The following ACSS3 variants were observed in gnomAD, a reference collection of about 807,000 sequenced individuals.
ACSS3 encodes the protein acyl-CoA synthetase short chain family member 3, also known as acyl-CoA synthetase short-chain family member 3, mitochondrial.
A neutral mutation model predicts 84.2 loss-of-function variants in ACSS3; 64 were observed. The observed-to-expected ratio is 0.76, with a 90% confidence interval of 0.62 to 0.94. The LOEUF (loss-of-function observed/expected upper bound fraction) is 0.94. Ranked by LOEUF, ACSS3 falls within the 40% of genes least tolerant of loss-of-function variation. ACSS3 has a pLI of 0.00. For missense variants in ACSS3, 815 were observed against 867.6 expected (o/e 0.94, Z 0.76); for synonymous variants, 317 against 310.1 (o/e 1.02, Z -0.23).
In ACSS3 at chr12:81,255,117, G is replaced by A; in HGVS notation, c.*195G>A. On this transcript the variant is annotated 3_prime_UTR_variant, in exon 16 of 16. Coordinates refer to ENST00000548058, the MANE Select transcript of ACSS3 (RefSeq NM_024560.4). ...CCTTTTTTTTGGTTTGACCCTGTTAGCATTGTTATTAGTTATCTATAACAT... is the reference window on the plus strand; with the variant it reads ...CCTTTTTTTTGGTTTGACCCTGTTAACATTGTTATTAGTTATCTATAACAT... 1 of 496,088 alleles carries A rather than the reference G, an allele frequency of 2.0e-6. No individual in the cohort carries two copies. Among genetic ancestry groups the A allele is most frequent in the South Asian group, 3.1e-5 (1 of 32,296 alleles). The allele number at this position is 496,088 out of a possible 1,614,324, so 30.7% of individuals were successfully genotyped here. A position where few individuals can be genotyped will look rare whatever the true frequency, so the allele number is the denominator to read the frequency against.
chr12:81,253,872 T>A (rs767359262), intron 15 of ACSS3, among the ~76,000 whole-genome samples: 2 of 152,176 alleles, frequency 1.3e-5, no homozygotes, highest in Non-Finnish European at 2.9e-5. Context: ...AAACTCAGAT[T>A]AGTTAAGAAC....
intron 2 of ACSS3, among the ~76,000 whole-genome samples, chr12:81,130,657 T>C (rs1488171237): frequency 6.6e-6 from 1 of 152,194 alleles, no homozygotes; most frequent in Non-Finnish European, 1.5e-5. Flanking sequence ...CTATTTTGGC[T>C]TTTGTTGTCA....
At chr12:81,237,812 C>A (rs919889633) in intron 13 of ACSS3, among the ~76,000 whole-genome samples, 1 of 151,620 alleles carries the variant, frequency 6.6e-6, no homozygotes, top group African/African-American at 2.4e-5. Flanking sequence ...GTCTGTATAC[C>A]TTTTATATTC....
chr12:81,242,024 G>A (rs2033823355), intron 13 of ACSS3, among the ~76,000 whole-genome samples: 1 of 152,106 alleles, frequency 6.6e-6, no homozygotes, highest in South Asian at 2.1e-4. Context: ...TAAGGTGTAA[G>A]GAAGGGATCC....
intron 13 of ACSS3, among the ~76,000 whole-genome samples, chr12:81,247,331 T>C (rs975090663): frequency 2.0e-5 from 3 of 152,234 alleles, no homozygotes; most frequent in African/African-American, 7.2e-5. Context: ...ACCTTAGTCT[T>C]TTTTTGTTTT....
intron 1 of ACSS3, among the ~76,000 whole-genome samples, chr12:81,097,056 G>A (rs1287560872): frequency 6.6e-6 from 1 of 152,126 alleles, no homozygotes; most frequent in Non-Finnish European, 1.5e-5. Flanking sequence ...CTACTGTGGT[G>A]GAGAAACTAA....
rs373951832 is a variant in ACSS3, at chr12:81,192,254, G to A, written c.1251-7087G>A. Among the ~76,000 whole-genome samples the A allele has an allele frequency of 1.4e-4, 22 of 152,164 alleles. No individual in the cohort carries two copies. The East Asian group carries it at 3.1e-3, about 21-fold the overall frequency. On this transcript the variant is annotated intron_variant, in intron 8 of 15. Coordinates refer to ENST00000548058, the MANE Select transcript of ACSS3 (RefSeq NM_024560.4). ...AAATTAGCCAGACATGGTGGCGGGT[G>A]CCTGTAATCCCAGCTACTTGGGAGG...
intron 1 of ACSS3, among the ~76,000 whole-genome samples, chr12:81,104,201 T>C (rs1882770641): frequency 6.6e-6 from 1 of 152,250 alleles, no homozygotes; most frequent in South Asian, 2.1e-4. Context: ...CCCTGGGTTT[T>C]CTTTTTTTCT....
intron 2 of ACSS3, among the ~76,000 whole-genome samples, chr12:81,113,738 A>C (rs1292700386): frequency 2.6e-5 from 4 of 152,272 alleles, no homozygotes; most frequent in Non-Finnish European, 1.5e-5. Context: ...TATCTTTCCA[A>C]GTAAATTCCA....
intron 4 of ACSS3, among the ~76,000 whole-genome samples, chr12:81,140,012 G>A (rs1403900556): frequency 6.6e-6 from 1 of 152,118 alleles, no homozygotes; most frequent in Admixed American, 6.5e-5. Context: ...AGACTCCAGT[G>A]AACATGGAGA....
At chr12:81,132,171 T>G (rs1049803118) in intron 2 of ACSS3, among the ~76,000 whole-genome samples, 1 of 152,222 alleles carries the variant, frequency 6.6e-6, no homozygotes, top group African/African-American at 2.4e-5. Context: ...TCCCTCTTTT[T>G]CTATTGATTG....
At chr12:81,132,073 T>C (rs547812367) in intron 2 of ACSS3, among the ~76,000 whole-genome samples, 4 of 152,320 alleles carry the variant, frequency 2.6e-5, no homozygotes, top group African/African-American at 9.6e-5. Flanking sequence ...ATCAGGGATA[T>C]TGGTCTAAAA....
chr12:81,113,172 G>A (rs1883746654), intron 2 of ACSS3, among the ~76,000 whole-genome samples: 1 of 152,034 alleles, frequency 6.6e-6, no homozygotes, highest in Admixed American at 6.6e-5. Context: ...CAATATAACC[G>A]AATAAGGGTC....
intron 1 of ACSS3, among the ~76,000 whole-genome samples, chr12:81,108,494 G>T (rs1238436764): frequency 6.6e-6 from 1 of 151,848 alleles, no homozygotes; most frequent in Non-Finnish European, 1.5e-5. Context: ...GGCCAGGTTG[G>T]TCTTGAACTT....
chr12:81,256,108 T>C lies in ACSS3; in HGVS notation c.*1186T>C, dbSNP rs2034285886. ...TGAAGTGAACTTAAGCCACTAGGTTTGAGGGACAAAGGACAGTAGAAAATG... is the reference window on the plus strand; with the variant it reads ...TGAAGTGAACTTAAGCCACTAGGTTCGAGGGACAAAGGACAGTAGAAAATG... On this transcript the variant is annotated 3_prime_UTR_variant, in exon 16 of 16. Transcript: ENST00000548058. 6.6e-6 allele frequency: 1 copy of C among 152,146 alleles called. No individual in the cohort carries two copies. The highest frequency in any genetic ancestry group is 2.4e-5 in the African/African-American group (1 of 41,436). The allele number at this position is 152,146 out of a possible 1,614,324, so 9.4% of individuals were successfully genotyped here.
chr12:81,162,468 T>C (rs1388886256), intron 7 of ACSS3, among the ~76,000 whole-genome samples: 5 of 152,138 alleles, frequency 3.3e-5, no homozygotes, highest in Admixed American at 2.0e-4. Context: ...CTGGGGTTTT[T>C]ATGGTCTTCA....
intron 4 of ACSS3, among the ~76,000 whole-genome samples, chr12:81,142,163 C>T (rs1886124687): frequency 6.6e-6 from 1 of 152,176 alleles, no homozygotes; most frequent in African/African-American, 2.4e-5. Flanking sequence ...GAAATGGTTA[C>T]ATACATCTCT....
chr12:81,120,912 A>G (rs1418741504), intron 2 of ACSS3, among the ~76,000 whole-genome samples: 1 of 152,170 alleles, frequency 6.6e-6, no homozygotes, highest in Non-Finnish European at 1.5e-5. Context: ...GAAATTTGAT[A>G]TATTTTAGAA....
intron 13 of ACSS3, among the ~76,000 whole-genome samples, chr12:81,238,694 T>C (rs2033702973): frequency 6.6e-6 from 1 of 151,728 alleles, no homozygotes; most frequent in African/African-American, 2.4e-5. Flanking sequence ...TTAATGTCCA[T>C]GATCTGTAGT....
Sources: allele counts gnomAD v4.1 joint callset (sites outside exome capture counted in the v4.1 genomes callset), GRCh38; gene constraint gnomAD v4.1.1; transcripts MANE v1.5; gene names NCBI Gene and HGNC (gene_info 2026-07-23, HGNC 2026-07-21).